The following TRHDE variants were observed in gnomAD, a reference collection of about 807,000 sequenced individuals.
TRHDE encodes thyrotropin-releasing hormone-degrading ectoenzyme.
Under a neutral mutation model 125.7 loss-of-function variants are expected in TRHDE, and 72 were observed. The ratio of observed to expected loss-of-function variants is 0.57; its 90% CI spans 0.47 to 0.70. The LOEUF (loss-of-function observed/expected upper bound fraction) is 0.70. Ranked by LOEUF, TRHDE falls within the 30% of genes least tolerant of loss-of-function variation. TRHDE has a pLI of 0.00. For missense variants in TRHDE, 1,110 were observed against 1,327.1 expected (o/e 0.84, Z 2.54); for synonymous variants, 509 against 509.1 (o/e 1.00, Z 0.00).
At chr12:72,454,251 A>G (rs756822275) in intron 3 of TRHDE, among the ~76,000 whole-genome samples, 1 of 152,224 alleles carries the variant, frequency 6.6e-6, no homozygotes, top group African/African-American at 2.4e-5. Context: ...ATGGGATAAA[A>G]TGGAGTATAA....
chr12:72,366,211 A>T (rs764673424), intron 2 of TRHDE, among the ~76,000 whole-genome samples: 2 of 152,124 alleles, frequency 1.3e-5, no homozygotes, highest in African/African-American at 4.8e-5. Context: ...CAACATTAAG[A>T]TGTAGCTATC....
At chr12:72,305,196 C>G (rs567626071) in intron 2 of TRHDE, among the ~76,000 whole-genome samples, 1 of 152,208 alleles carries the variant, frequency 6.6e-6, no homozygotes, top group Admixed American at 6.5e-5. Flanking sequence ...AAAATCCCAA[C>G]AGTAACAGCA....
rs1218238317 is a variant in TRHDE at position 72,669,644 on chromosome 12, A to G, written c.*6449A>G. On this transcript the variant is annotated 3_prime_UTR_variant, in exon 19 of 19. Transcript: ENST00000261180. ...CCCACCTTTACATAGCGTATGACCT[A>G]CTCAGTGAGAACATTCATTATTAAG... 6.6e-6 allele frequency: 1 copy of G among 151,702 alleles called. No homozygotes were observed. Among genetic ancestry groups the G allele is most frequent in the African/African-American group, 2.4e-5 (1 of 41,384 alleles). 9.4% of individuals were successfully genotyped at this position (151,702 alleles called of 1,614,324 possible).
At chr12:72,352,760 G>GT (rs1870640427) in intron 2 of TRHDE, among the ~76,000 whole-genome samples, 1 of 151,588 alleles carries the variant, frequency 6.6e-6, no homozygotes, top group South Asian at 2.1e-4. Context: ...TTTCTGTGTG[G>GT]TTTTATAAAT....
intron 2 of TRHDE, among the ~76,000 whole-genome samples, chr12:72,146,033 T>G (rs1382617097): frequency 1.3e-5 from 2 of 152,202 alleles, no homozygotes; most frequent in Non-Finnish European, 2.9e-5. Context: ...TACTAGGCAT[T>G]TCTCACTACT....
rs527711939 is a variant in TRHDE at position 72,638,826 on chromosome 12, A to G, written c.2676-13496A>G. On this transcript the variant is annotated intron_variant, in intron 15 of 18. Coordinates refer to ENST00000261180, the MANE Select transcript of TRHDE (RefSeq NM_013381.3). ...ATTCTTTTCTTTAAGAATGTTGAAT[A>G]TTGGCCCCCTCTCTCTTCTGGCTTG... Among the ~76,000 whole-genome samples the G allele has an allele frequency of 1.2e-3, 188 of 152,240 alleles. 1 individual carries two copies. The highest frequency in any genetic ancestry group is 4.4e-3 in the African/African-American group (181 of 41,538).
chr12:72,441,467 C>T (rs886894901), intron 3 of TRHDE, among the ~76,000 whole-genome samples: 9 of 151,718 alleles, frequency 5.9e-5, no homozygotes, highest in African/African-American at 2.2e-4. Flanking sequence ...CATTGCAGTA[C>T]ACAAGGTGAT....
intron 2 of TRHDE, among the ~76,000 whole-genome samples, chr12:72,207,126 AC>A (rs1877684084): frequency 1.3e-5 from 2 of 152,200 alleles, no homozygotes; most frequent in Non-Finnish European, 2.9e-5. Context: ...ATCTGCTCAT[AC>A]TTCATCCTTT....
At chr12:72,487,150 G>C (rs2135921025) in intron 5 of TRHDE, among the ~76,000 whole-genome samples, 1 of 151,884 alleles carries the variant, frequency 6.6e-6, no homozygotes, top group African/African-American at 2.4e-5. Flanking sequence ...GGATTTATAG[G>C]ACACCATTAA....
rs991514723 is a variant in TRHDE at position 72,332,791 on chromosome 12, A to G, written c.1189-45204A>G. Reference sequence around the variant, plus strand: ...TGGAGCCCCTTGCTATTCAGTGATCAGCAGCATCAGTATTGGGCATCATCT... The same window carrying G: ...TGGAGCCCCTTGCTATTCAGTGATCGGCAGCATCAGTATTGGGCATCATCT... On this transcript the variant is annotated intron_variant, in intron 2 of 18. Coordinates refer to ENST00000261180, the MANE Select transcript of TRHDE (RefSeq NM_013381.3). 2.0e-5 allele frequency among the ~76,000 whole-genome samples: 3 copies of G among 152,366 alleles called. No individual in the cohort carries two copies. In the East Asian group the frequency reaches 5.8e-4, roughly 29 times the overall value.
At chr12:72,595,897 A>G (rs1389218560) in intron 12 of TRHDE, among the ~76,000 whole-genome samples, 3 of 152,154 alleles carry the variant, frequency 2.0e-5, no homozygotes, top group Admixed American at 6.5e-5. Context: ...GTGAGTCATA[A>G]TATTCAAAAG....
chr12:72,611,207 C>A, intron 12 of TRHDE: 1 of 200,014 alleles, frequency 5.0e-6, no homozygotes, highest in Non-Finnish European at 1.1e-5. Flanking sequence ...ATCTGCAGGC[C>A]AAAATTCTTC....
chr12:72,565,786 T>A (rs1292363152), intron 9 of TRHDE, among the ~76,000 whole-genome samples: 3 of 152,126 alleles, frequency 2.0e-5, no homozygotes, highest in Non-Finnish European at 4.4e-5. Context: ...ATCATTAGAA[T>A]AAAAGTTGCT....
intron 1 of TRHDE, among the ~76,000 whole-genome samples, chr12:72,279,949 T>C (rs970015171): frequency 5.3e-5 from 8 of 152,224 alleles, no homozygotes; most frequent in African/African-American, 1.7e-4. Flanking sequence ...ACAAAGAAAG[T>C]AGTTCAAAAA....
intron 2 of TRHDE, among the ~76,000 whole-genome samples, chr12:72,161,889 T>C (rs948302938): frequency 9.9e-5 from 15 of 152,248 alleles, no homozygotes; most frequent in African/African-American, 3.4e-4. Flanking sequence ...ACTCATCCCA[T>C]TGTACACTTT....
chr12:72,614,779 C>T (rs10879465), intron 12 of TRHDE, among the ~76,000 whole-genome samples: 1 of 151,458 alleles, frequency 6.6e-6, no homozygotes, highest in Non-Finnish European at 1.5e-5. Context: ...TTTCTATACA[C>T]GCTACCCATC....
intron 18 of TRHDE, 113 bp from the exon 19 acceptor site, chr12:72,662,939 T>A: frequency 8.8e-7 from 1 of 1,133,636 alleles, no homozygotes; most frequent in Non-Finnish European, 1.2e-6. Flanking sequence ...TCATGGCATT[T>A]TGTTTCAAAT....
intron 6 of TRHDE, among the ~76,000 whole-genome samples, chr12:72,501,663 C>T (rs1194940349): frequency 1.3e-5 from 2 of 151,956 alleles, no homozygotes; most frequent in Admixed American, 1.3e-4. Context: ...TTTCTTGTAA[C>T]GTCTTTCACC....
intron 3 of TRHDE, among the ~76,000 whole-genome samples, chr12:72,393,150 A>C (rs1381197447): frequency 6.6e-6 from 1 of 152,190 alleles, no homozygotes; most frequent in African/African-American, 2.4e-5. Context: ...GAAGTGAATA[A>C]TGTCAGGAAA....
Sources: allele counts gnomAD v4.1 joint callset (sites outside exome capture counted in the v4.1 genomes callset), GRCh38; gene constraint gnomAD v4.1.1; transcripts MANE v1.5; gene names NCBI Gene and HGNC (gene_info 2026-07-23, HGNC 2026-07-21).